Variants in TMEM181 observed in about 807,000 individuals in gnomAD.
TMEM181 encodes transmembrane protein 181, also known as G protein-coupled receptor 178.
A neutral mutation model predicts 71.9 loss-of-function variants in TMEM181; 39 were observed. The ratio of observed to expected loss-of-function variants is 0.54; its 90% CI spans 0.42 to 0.71. TMEM181 has a LOEUF of 0.71. TMEM181 is among the 30% of genes least tolerant of loss of function. The pLI is 0.00. For missense variants in TMEM181, 595 were observed against 583.0 expected (o/e 1.02, Z -0.21); for synonymous variants, 245 against 228.8 (o/e 1.07, Z -0.64).
chr6:158,619,418 C>T (rs1340052875), intron 10 of TMEM181, among the ~76,000 whole-genome samples: 4 of 152,174 alleles, frequency 2.6e-5, no homozygotes, highest in African/African-American at 7.2e-5. Flanking sequence ...AGGTTTTTAG[C>T]TTCTTGGCGA....
intron 6 of TMEM181, among the ~76,000 whole-genome samples, chr6:158,599,370 C>T (rs1296145837): frequency 6.6e-6 from 1 of 152,100 alleles, no homozygotes; most frequent in African/African-American, 2.4e-5. Context: ...GGGCAAGCCT[C>T]GGCTCTGAAA....
At chr6:158,569,889 C>T (rs1187242887) in intron 1 of TMEM181, among the ~76,000 whole-genome samples, 2 of 152,136 alleles carry the variant, frequency 1.3e-5, no homozygotes, top group Non-Finnish European at 2.9e-5. Context: ...CAGGCGTGAG[C>T]CACCGCACCC....
chr6:158,589,338 C>G (rs1410595938), intron 5 of TMEM181, among the ~76,000 whole-genome samples: 1 of 152,212 alleles, frequency 6.6e-6, no homozygotes, highest in Non-Finnish European at 1.5e-5. Context: ...TCTTAGCTTA[C>G]GTTTCCCCTG....
intron 1 of TMEM181, among the ~76,000 whole-genome samples, chr6:158,550,966 C>CTTT (rs371934475): frequency 1.5e-5 from 2 of 132,950 alleles, no homozygotes; most frequent in Admixed American, 7.9e-5. Flanking sequence ...TTATCAATTC[C>CTTT]TTTTTTTTTT....
rs751183097 is a variant in TMEM181 at position 158,627,802 on chromosome 6, T to C, written c.1110-606T>C. On this transcript the variant is annotated intron_variant, in intron 13 of 16. Transcript: ENST00000684151. ...GGGAGGTGAAAGGGTCTGGTGCACA[T>C]GTTAAGCCTTCTGGCTGAGGGTGGC... Among the ~76,000 whole-genome samples the C allele has an allele frequency of 6.0e-3, 510 of 84,362 alleles. 4 individuals are homozygous for C. The highest frequency in any genetic ancestry group is 4.5e-3 in the Admixed American group (36 of 7,990). The allele number at this position is 84,362 out of a possible 152,430, so 55.3% of individuals were successfully genotyped here.
rs1786101001 is a variant in TMEM181, at chr6:158,623,600, A to G, written c.947A>G (p.Asn316Ser). 6.3e-7 allele frequency: 1 copy of G among 1,582,210 alleles called. No individual in the cohort carries two copies. The highest frequency in any genetic ancestry group is 1.3e-5 in the African/African-American group (1 of 74,484). The stretch of plus-strand genomic sequence containing the variant: ...TACCAGTATCGAGTTGATACCGGAA[A>G]TTTTCAGGTAAGGATTGTTAATGAG... The part of the protein sequence containing the change: ...PMYQYRVDTG[N>S]FQGMKVFFMV... The change falls in exon 11 of 17, where the codon AAT becomes AGT. Residue 316 changes from asparagine (N) to serine (S), a missense_variant. Physicochemically the swap from Asn to Ser is conservative, Grantham distance 46. Transcript: ENST00000684151.
chr6:158,626,918 TCA>T (rs1491272454), intron 13 of TMEM181, among the ~76,000 whole-genome samples: 4 of 113,706 alleles, frequency 3.5e-5, no homozygotes, highest in Non-Finnish European at 7.1e-5. Context: ...ACCCTCACCC[TCA>T]TTCTCACCCT....
rs1246408929 is a variant in TMEM181, at chr6:158,589,696, C to T, written c.406C>T (p.His136Tyr). 2 of 1,613,956 alleles carry T rather than the reference C, an allele frequency of 1.2e-6. No homozygotes were observed. The highest frequency in any genetic ancestry group is 1.7e-5 in the Admixed American group (1 of 59,994). The stretch of plus-strand genomic sequence containing the variant: ...GAAATGTGCGGAGATTATTGTGGCT[C>T]ACCTTGGCTACCTGAACTACACTCA... ...AGKCAEIIVA[H>Y]LGYLNYTQYT... The change falls in exon 6 of 17, where the codon CAC (histidine) becomes TAC (tyrosine). Residue 136 changes from histidine (H) to tyrosine (Y), a missense_variant. His to Tyr is a moderately conservative substitution (Grantham distance 83). Coordinates refer to ENST00000684151, the MANE Select transcript of TMEM181 (RefSeq NM_001376852.1).
chr6:158,625,082 G>A (rs1032447347), intron 11 of TMEM181, 22 bp from the exon 12 acceptor site: 5 of 1,594,820 alleles, frequency 3.1e-6, no homozygotes, highest in South Asian at 1.1e-5. Flanking sequence ...TCCGACTCAA[G>A]TGCTGCCTTG....
In TMEM181 at chr6:158,620,594, C is replaced by G. The variant is rs1331886646; in HGVS notation, c.897-2956C>G. On this transcript the variant is annotated intron_variant, in intron 10 of 16. Transcript: ENST00000684151. The surrounding 1 kb of genome is among the most constrained non-coding windows in gnomAD (Gnocchi z 4.5). ...GTGGTTGGAGGTGGATTCCTGAGACCTGAGGGTTTTGAGAGCCCACTGGGG... is the reference window on the plus strand; with the variant it reads ...GTGGTTGGAGGTGGATTCCTGAGACGTGAGGGTTTTGAGAGCCCACTGGGG... 6.6e-6 allele frequency among the ~76,000 whole-genome samples: 1 copy of G among 152,186 alleles called. No individual in the cohort carries two copies. Among genetic ancestry groups the G allele is most frequent in the Non-Finnish European group, 1.5e-5 (1 of 68,036 alleles).
chr6:158,589,767 G>A lies in TMEM181; in HGVS notation c.477G>A (p.Lys159=). 2 of 1,613,362 alleles carry A rather than the reference G, an allele frequency of 1.2e-6. No homozygotes were observed. The highest frequency in any genetic ancestry group is 1.7e-6 in the Non-Finnish European group (2 of 1,179,312). The change falls in exon 6 of 17, where the codon AAG becomes AAA. Residue 159 remains lysine, a synonymous_variant. Transcript: ENST00000684151. The stretch of plus-strand genomic sequence containing the variant: ...TTGAACACCTGAAGCTCCCCATCAA[G>A]GGAATGAACTTCACAGTAAGTATAC... ...VGFEHLKLPI[K]GMNFTWKTYN...
intron 1 of TMEM181, among the ~76,000 whole-genome samples, chr6:158,548,418 G>C (rs1443720303): frequency 6.6e-6 from 1 of 152,146 alleles, no homozygotes; most frequent in African/African-American, 2.4e-5. Context: ...AAAAACATGG[G>C]CCAGAAGGAG....
intron 1 of TMEM181, chr6:158,572,325 C>G (rs1282933290): frequency 2.2e-6 from 1 of 447,724 alleles, no homozygotes; most frequent in Non-Finnish European, 4.5e-6. Context: ...ATGTCCATCT[C>G]CCTGGGTGGA....
chr6:158,600,058 G>GC, intron 6 of TMEM181, among the ~76,000 whole-genome samples: 1 of 152,230 alleles, frequency 6.6e-6, no homozygotes, highest in Non-Finnish European at 1.5e-5. Context: ...GGTTTGGTGT[G>GC]CAGGGTCTCA....
intron 10 of TMEM181, among the ~76,000 whole-genome samples, chr6:158,615,009 G>A (rs1335359486): frequency 6.6e-6 from 1 of 152,164 alleles, no homozygotes; most frequent in Non-Finnish European, 1.5e-5. Flanking sequence ...ATCCAGTAAT[G>A]GGATGGCTAG....
chr6:158,572,048 T>A (rs1486644699), intron 1 of TMEM181, among the ~76,000 whole-genome samples: 1 of 152,236 alleles, frequency 6.6e-6, no homozygotes, highest in East Asian at 1.9e-4. Flanking sequence ...TCTTTATTTC[T>A]TCACCCAGTG....
rs1226476726 is a variant in TMEM181, at chr6:158,632,805, C to T, written c.*917C>T. On this transcript the variant is annotated 3_prime_UTR_variant, in exon 17 of 17. Coordinates refer to ENST00000684151, the MANE Select transcript of TMEM181 (RefSeq NM_001376852.1). Reference sequence around the variant, plus strand: ...ATGAGGGGCCAGGTGCAGTGGCTCACATCTGTAATCTCAACACTTTGGGAG... The same window carrying T: ...ATGAGGGGCCAGGTGCAGTGGCTCATATCTGTAATCTCAACACTTTGGGAG... 6.6e-6 allele frequency: 1 copy of T among 152,312 alleles called. No homozygotes were observed. The highest frequency in any genetic ancestry group is 1.5e-5 in the Non-Finnish European group (1 of 68,106). The allele number at this position is 152,312 out of a possible 1,614,324, so 9.4% of individuals were successfully genotyped here.
chr6:158,582,327 C>T (rs1161031908), intron 3 of TMEM181, among the ~76,000 whole-genome samples: 4 of 152,164 alleles, frequency 2.6e-5, no homozygotes, highest in Non-Finnish European at 1.5e-5. Context: ...TCCAAGAGAC[C>T]ATCCTCACTT....
chr6:158,624,960 G>A lies in TMEM181; in HGVS notation c.955-144G>A, dbSNP rs377631123. 1.3e-4 allele frequency: 91 copies of A among 702,262 alleles called. 1 individual carries two copies. The African/African-American group carries it at 1.5e-3, about 11-fold the overall frequency. The allele number at this position is 702,262 out of a possible 1,614,324, so 43.5% of individuals were successfully genotyped here. A position where few individuals can be genotyped will look rare whatever the true frequency, so the allele number is the denominator to read the frequency against. ...GGACTGAGCAGATGGTCCCGGCTGG[G>A]AGCCCATTGTTCTGCTTCCTGGAGG... On this transcript the variant is annotated intron_variant, in intron 11 of 16. Coordinates refer to ENST00000684151, the MANE Select transcript of TMEM181 (RefSeq NM_001376852.1).
Sources: allele counts gnomAD v4.1 joint callset (sites outside exome capture counted in the v4.1 genomes callset), GRCh38; gene constraint gnomAD v4.1.1; non-coding constraint Gnocchi (gnomAD v3.1); transcripts MANE v1.5; gene names NCBI Gene and HGNC (gene_info 2026-07-23, HGNC 2026-07-21).